The following APOD variants were observed in gnomAD, a reference collection of about 807,000 sequenced individuals.
APOD encodes apo-D.
In APOD, 22 loss-of-function variants were observed where a neutral mutation model predicts 20.4. That is an observed-to-expected ratio of 1.08 (90% confidence interval 0.77 to 1.54). The LOEUF (loss-of-function observed/expected upper bound fraction) is 1.54, where lower values mean the gene tolerates loss of function less well. Ranked by LOEUF, APOD falls within the 40% of genes most tolerant of loss-of-function variation. The pLI, the probability that APOD is intolerant of heterozygous loss-of-function variation, is 0.00. For synonymous variants in APOD, 97 were observed against 92.4 expected (o/e 1.05, Z -0.29); for missense variants, 223 against 229.6 (o/e 0.97, Z 0.19).
chr3:195,571,430 A>C, intron 3 of APOD, 65 bp from the exon 4 acceptor site: 1 of 1,469,820 alleles, frequency 6.8e-7, no homozygotes. Flanking sequence ...CAACTCATTG[A>C]AAGCCAATAA....
chr3:195,573,739 G>T, intron 3 of APOD, 111 bp downstream of exon 3: 1 of 1,367,754 alleles, frequency 7.3e-7, no homozygotes, highest in Non-Finnish European at 1.0e-6. Flanking sequence ...CTAGGAGCAG[G>T]CAGTCCCGAT....
chr3:195,573,109 A>G (rs1720193919), intron 3 of APOD, among the ~76,000 whole-genome samples: 3 of 152,218 alleles, frequency 2.0e-5, no homozygotes, highest in South Asian at 4.1e-4. Flanking sequence ...GTCTCCTCCC[A>G]GCAGATTCTG....
At chr3:195,579,574 C>A in intron 1 of APOD, 79 bp from the exon 2 acceptor site, 1 of 1,475,270 alleles carries the variant, frequency 6.8e-7, no homozygotes. Context: ...AGTGCTGTGC[C>A]CATGGTCCCC....
intron 3 of APOD, 34 bp downstream of exon 3, chr3:195,573,816 G>T (rs769153889): frequency 1.2e-5 from 19 of 1,609,208 alleles, no homozygotes; most frequent in Admixed American, 1.7e-5. Context: ...TCAGCACTCC[G>T]CAGGCCTGGC....
chr3:195,578,596 G>T (rs1720284969), intron 2 of APOD, among the ~76,000 whole-genome samples: 1 of 152,034 alleles, frequency 6.6e-6, no homozygotes, highest in Non-Finnish European at 1.5e-5. Context: ...CTAAACCCCA[G>T]GAAGAAAGAC....
chr3:195,572,414 A>C (rs755422861), intron 3 of APOD, among the ~76,000 whole-genome samples: 1 of 152,238 alleles, frequency 6.6e-6, no homozygotes, highest in Non-Finnish European at 1.5e-5. Context: ...ATGTCACCTG[A>C]CAATTAGCAG....
At position 195,579,333 on chromosome 3, in the gene APOD, T is replaced by G; in HGVS notation, c.123+6A>C. Reference sequence around the variant, plus strand: ...CAGCAAAACAAACGGGAGGTTCGCCTTTTACCTTATTCACGTCAAAATTCT... The same window carrying G: ...CAGCAAAACAAACGGGAGGTTCGCCGTTTACCTTATTCACGTCAAAATTCT... On this transcript the variant is annotated splice_donor_region_variant and intron_variant, in intron 2 of 4. Coordinates refer to ENST00000343267, the MANE Select transcript of APOD (RefSeq NM_001647.4). The G allele has an allele frequency of 6.2e-7, 1 of 1,613,886 alleles. No homozygotes were observed. Among genetic ancestry groups the G allele is most frequent in the Non-Finnish European group, 8.5e-7 (1 of 1,179,834 alleles).
intron 1 of APOD, chr3:195,583,173 G>T (rs1378492326): frequency 2.0e-5 from 3 of 152,142 alleles, no homozygotes; most frequent in African/African-American, 7.2e-5. Context: ...TACCAACGAG[G>T]TGAATTTGCC....
intron 2 of APOD, among the ~76,000 whole-genome samples, chr3:195,578,090 T>G (rs964708559): frequency 6.6e-6 from 1 of 152,218 alleles, no homozygotes; most frequent in African/African-American, 2.4e-5. Context: ...AAAGCTGCTA[T>G]TTTTTAAATC....
chr3:195,569,985 G>A (rs527988183), intron 4 of APOD, among the ~76,000 whole-genome samples: 1 of 151,682 alleles, frequency 6.6e-6, no homozygotes, highest in Non-Finnish European at 1.5e-5. Flanking sequence ...ATCTTTAGTA[G>A]AGACAGGGTT....
At chr3:195,569,244 A>G (rs1478357148) in intron 4 of APOD, 109 bp from the exon 5 acceptor site, 3 of 878,298 alleles carry the variant, frequency 3.4e-6, no homozygotes, top group Non-Finnish European at 5.4e-6. Context: ...CCCACCTCTG[A>G]TTTTGTTTAT....
Position 195,568,837 on chromosome 3 carries a change from G to GGGGGGGGGA in APOD, c.*62_*63insTCCCCCCCC. On this transcript the variant is annotated 3_prime_UTR_variant, in exon 5 of 5. Coordinates refer to ENST00000343267, the MANE Select transcript of APOD (RefSeq NM_001647.4). ...GTTGATTGGTTTGTCTTTATGGGGGGGGGGTAGGGGAAAGCGAAGCAGAAG... is the reference window on the plus strand; with the variant it reads ...GTTGATTGGTTTGTCTTTATGGGGGGGGGGGGGGAGGGGTAGGGGAAAGCGAAGCAGAAG... The GGGGGGGGGA allele has an allele frequency of 3.1e-6, 3 of 975,800 alleles. No homozygotes were observed. Among genetic ancestry groups the GGGGGGGGGA allele is most frequent in the East Asian group, 2.6e-5 (1 of 38,236 alleles). The allele number at this position is 975,800 out of a possible 1,614,324, so 60.4% of individuals were successfully genotyped here.
intron 4 of APOD, among the ~76,000 whole-genome samples, chr3:195,569,963 C>A (rs1049644997): frequency 2.6e-5 from 4 of 151,898 alleles, no homozygotes; most frequent in African/African-American, 9.7e-5. Flanking sequence ...CCATGCCCAG[C>A]TAATTTTTTG....
intron 1 of APOD, among the ~76,000 whole-genome samples, chr3:195,580,561 C>T (rs1267889012): frequency 1.3e-5 from 2 of 152,078 alleles, no homozygotes; most frequent in Non-Finnish European, 2.9e-5. Flanking sequence ...TCCACCACAA[C>T]TCCCGGCTAA....
At chr3:195,576,570 G>T (rs1720251509) in intron 2 of APOD, among the ~76,000 whole-genome samples, 1 of 152,236 alleles carries the variant, frequency 6.6e-6, no homozygotes. Flanking sequence ...AGGACTTTGG[G>T]AGGCCGAGGC....
chr3:195,571,192 C>G lies in APOD; in HGVS notation c.334+85G>C, dbSNP rs1273526341. Reference sequence around the variant, plus strand: ...GTGATTATAGATGACACTCAGGTGTCTCAGGAATTCTCCAAGCCGGGGCGC... The same window carrying G: ...GTGATTATAGATGACACTCAGGTGTGTCAGGAATTCTCCAAGCCGGGGCGC... On this transcript the variant is annotated intron_variant, in intron 4 of 4. Transcript: ENST00000343267. The G allele has an allele frequency of 3.5e-6, 4 of 1,137,568 alleles. No individual in the cohort carries two copies. In the South Asian group the frequency reaches 4.9e-5, roughly 14 times the overall value. The allele number at this position is 1,137,568 out of a possible 1,614,324, so 70.5% of individuals were successfully genotyped here. A position where few individuals can be genotyped will look rare whatever the true frequency, so the allele number is the denominator to read the frequency against.
In APOD at chr3:195,573,929, A is replaced by C. The variant is rs144811342; in HGVS notation, c.166T>G (p.Phe56Val). The C allele has an allele frequency of 5.3e-4, 850 of 1,614,094 alleles. 2 individuals carry two copies. In the African/African-American group the frequency reaches 0.01, roughly 19 times the overall value. The change falls in exon 3 of 5, where the codon TTT (phenylalanine) becomes GTT (valine). Residue 56 changes from phenylalanine to valine, a missense_variant. Phe to Val is a conservative substitution (Grantham distance 50). Coordinates refer to ENST00000343267, the MANE Select transcript of APOD (RefSeq NM_001647.4). Reference sequence around the variant, plus strand: ...GCCTGGATGCAGCGTCCATTCTCAAAGGTTGTTGGGATCTTCTCAATTTCG... The same window carrying C: ...GCCTGGATGCAGCGTCCATTCTCAACGGTTGTTGGGATCTTCTCAATTTCG... ...WYEIEKIPTT[F>V]ENGRCIQANY...
At chr3:195,582,893 A>G (rs931649546) in intron 1 of APOD, among the ~76,000 whole-genome samples, 1 of 151,768 alleles carries the variant, frequency 6.6e-6, no homozygotes, top group Non-Finnish European at 1.5e-5. Context: ...AGATCGCGCC[A>G]CTGCACTCCA....
At chr3:195,580,799 T>G (rs1191697487) in intron 1 of APOD, among the ~76,000 whole-genome samples, 1 of 151,920 alleles carries the variant, frequency 6.6e-6, no homozygotes, top group Non-Finnish European at 1.5e-5. Flanking sequence ...ACCCCAAGAG[T>G]CCTTTGGCAG....
Sources: gnomAD v4.1 joint callset for allele counts (sites outside exome capture counted in the v4.1 genomes callset) on GRCh38, gnomAD v4.1.1 for gene constraint, MANE v1.5 for transcripts, NCBI Gene and HGNC (gene_info 2026-07-23, HGNC 2026-07-21) for gene names.